Variants in CARS2 observed in about 807,000 individuals in gnomAD.
The protein encoded by CARS2 is cysteinyl-tRNA synthetase 2, mitochondrial.
CARS2 carries 52 observed loss-of-function variants against 68.8 expected under a neutral mutation model. The ratio of observed to expected loss-of-function variants is 0.76; its 90% CI spans 0.61 to 0.95. The LOEUF (loss-of-function observed/expected upper bound fraction) is 0.95, where lower values mean the gene tolerates loss of function less well. CARS2 is among the 40% of genes least tolerant of loss of function. The pLI, the probability that CARS2 is intolerant of heterozygous loss-of-function variation, is 0.00. For missense variants in CARS2, 780 were observed against 754.2 expected, an observed-to-expected ratio of 1.03 and a Z score of -0.40; for synonymous variants, 314 against 303.6, an observed-to-expected ratio of 1.03 and a Z score of -0.36.
Position 110,654,264 on chromosome 13 carries a change from G to A in CARS2, c.988-3164C>T, listed in dbSNP as rs561348677. Among the ~76,000 whole-genome samples, 4 of 152,318 alleles carry A rather than the reference G, an allele frequency of 2.6e-5. No homozygotes were observed. The South Asian group carries it at 8.3e-4, about 32-fold the overall frequency. On this transcript the variant is annotated intron_variant, in intron 9 of 14. Coordinates refer to ENST00000257347, the MANE Select transcript of CARS2 (RefSeq NM_024537.4). ...CTTGCTTTGAGACGTACAGTAACTAGAAAGCAGGTTTTAAACCATTATCTG... is the reference window on the plus strand; with the variant it reads ...CTTGCTTTGAGACGTACAGTAACTAAAAAGCAGGTTTTAAACCATTATCTG...
upstream of CARS2, chr13:110,706,411 G>GCGTC (rs2063961395): frequency 1.0e-5 from 2 of 190,500 alleles, no homozygotes; most frequent in Middle Eastern, 1.9e-3. Context: ...GTCCTGCGAG[G>GCGTC]CGTCCGTGTG....
chr13:110,675,800 G>A (rs1028380202), intron 7 of CARS2, among the ~76,000 whole-genome samples: 11 of 152,156 alleles, frequency 7.2e-5, no homozygotes, highest in African/African-American at 2.4e-4. Flanking sequence ...CAGTCTAAAC[G>A]CGCGGCTGGG....
At chr13:110,703,365 G>A (rs1376688356) in intron 2 of CARS2, among the ~76,000 whole-genome samples, 2 of 152,156 alleles carry the variant, frequency 1.3e-5, no homozygotes, top group Non-Finnish European at 2.9e-5. Context: ...GGGAGGTGGG[G>A]CAGGCCAGCC....
chr13:110,661,110 C>T (rs959443966), intron 9 of CARS2, among the ~76,000 whole-genome samples: 3 of 152,148 alleles, frequency 2.0e-5, no homozygotes, highest in Non-Finnish European at 2.9e-5. Flanking sequence ...TGTCAATGAG[C>T]GCTGGTTTCA....
In CARS2 at chr13:110,647,671, G is replaced by A. The variant is rs1888329445; in HGVS notation, c.1055-432C>T. On this transcript the variant is annotated intron_variant, in intron 10 of 14. Coordinates refer to ENST00000257347, the MANE Select transcript of CARS2 (RefSeq NM_024537.4). ...AAGGCCCTCCCGAGGGAAAGTGCCTGTGTGTGATGGGACAGCCCAAAGAGG... is the reference window on the plus strand; with the variant it reads ...AAGGCCCTCCCGAGGGAAAGTGCCTATGTGTGATGGGACAGCCCAAAGAGG... 3.5e-5 allele frequency among the ~76,000 whole-genome samples: 3 copies of A among 84,608 alleles called. No homozygotes were observed. The South Asian group carries it at 1.1e-3, about 30-fold the overall frequency. The allele number at this position is 84,608 out of a possible 152,430, so 55.5% of individuals were successfully genotyped here.
chr13:110,699,428 T>C (rs2063719386), intron 3 of CARS2, among the ~76,000 whole-genome samples: 1 of 152,230 alleles, frequency 6.6e-6, no homozygotes, highest in African/African-American at 2.4e-5. Context: ...TCATGTATGT[T>C]AGAACATTTC....
chr13:110,645,776 A>G (rs1888024890), intron 12 of CARS2, 191 bp downstream of exon 12: 2 of 654,714 alleles, frequency 3.1e-6, no homozygotes, highest in Admixed American at 6.9e-5. Context: ...GAGGCCCGGG[A>G]GGGTCAAGCC....
chr13:110,671,618 T>C (rs1479830675), intron 7 of CARS2, among the ~76,000 whole-genome samples: 1 of 152,196 alleles, frequency 6.6e-6, no homozygotes, highest in Non-Finnish European at 1.5e-5. Flanking sequence ...ACATGCCGAA[T>C]TGTAAAGACC....
chr13:110,696,870 G>A (rs1380313103), intron 3 of CARS2, among the ~76,000 whole-genome samples: 1 of 152,208 alleles, frequency 6.6e-6, no homozygotes, highest in African/African-American at 2.4e-5. Context: ...CCCTGGATTC[G>A]GGGCTCTTGT....
At chr13:110,660,822 C>T (rs1469203359) in intron 9 of CARS2, among the ~76,000 whole-genome samples, 1 of 143,508 alleles carries the variant, frequency 7.0e-6, no homozygotes, top group Non-Finnish European at 1.5e-5. Context: ...AGTGCAGTGG[C>T]ACAATCTCAG....
rs1261051474 is a variant in CARS2 at position 110,668,413 on chromosome 13, G to A, written c.786-940C>T. On this transcript the variant is annotated intron_variant, in intron 7 of 14. Transcript: ENST00000257347. This position sits in a 1 kb window ranked among gnomAD's most constrained non-coding sequence, Gnocchi z 4.1. The stretch of plus-strand genomic sequence containing the variant: ...AAAAATCAGCCGGGCGTGGTGGCGG[G>A]TGCCTGTAGTCCCAGCTGCTTGGGA... 1.3e-5 allele frequency among the ~76,000 whole-genome samples: 2 copies of A among 152,106 alleles called. No individual in the cohort carries two copies. The highest frequency in any genetic ancestry group is 6.5e-5 in the Admixed American group (1 of 15,282).
In CARS2 at chr13:110,667,404, G is replaced by A. The variant is rs201463850; in HGVS notation, c.855C>T (p.Asn285=). Residue 285 remains asparagine, a synonymous_variant, in exon 8 of 15, where the codon AAC becomes AAT. Transcript: ENST00000257347. Reference sequence around the variant, plus strand: ...GAAAGACTTCGCACTGTGCAATTTCGTTTTCATGATGTGGAAAAGCTAAAT... The same window carrying A: ...GAAAGACTTCGCACTGTGCAATTTCATTTTCATGATGTGGAAAAGCTAAAT... The part of the protein sequence containing the change: ...GIDLAFPHHE[N]EIAQCEVFHQ... The A allele has an allele frequency of 1.4e-5, 23 of 1,613,614 alleles. No homozygotes were observed. The East Asian group carries it at 2.7e-4, about 19-fold the overall frequency.
intron 9 of CARS2, among the ~76,000 whole-genome samples, 191 bp downstream of exon 9, chr13:110,663,260 C>T (rs985221353): frequency 1.3e-5 from 2 of 151,826 alleles, no homozygotes; most frequent in African/African-American, 2.4e-5. Context: ...CTGCGGGAGG[C>T]GCACAGCTGA....
At chr13:110,658,423 GA>G (rs1420656578) in intron 9 of CARS2, among the ~76,000 whole-genome samples, 1 of 152,074 alleles carries the variant, frequency 6.6e-6, no homozygotes, top group East Asian at 1.9e-4. Flanking sequence ...TTTACAAGAT[GA>G]AAAAATTCTA....
intron 9 of CARS2, chr13:110,662,874 A>G: frequency 2.6e-6 from 1 of 377,430 alleles, no homozygotes; most frequent in South Asian, 2.0e-5. Flanking sequence ...TTTGCAATTA[A>G]ATTAAATCTG....
chr13:110,675,550 G>C (rs995224045), intron 7 of CARS2, among the ~76,000 whole-genome samples: 16 of 152,096 alleles, frequency 1.1e-4, no homozygotes, highest in African/African-American at 3.9e-4. Flanking sequence ...ACACACCAGG[G>C]CCTGTCATGG....
upstream of CARS2, among the ~76,000 whole-genome samples, chr13:110,708,187 A>G (rs4773239): frequency 6.6e-6 from 1 of 151,904 alleles, no homozygotes; most frequent in African/African-American, 2.4e-5. Flanking sequence ...GAAAAAAAAA[A>G]TTTAGAAGAA....
chr13:110,680,164 G>T (rs1241751441), intron 6 of CARS2, among the ~76,000 whole-genome samples: 3 of 56,952 alleles, frequency 5.3e-5, no homozygotes, highest in East Asian at 4.8e-4. Context: ...GGGGGGGGGG[G>T]GTGGATCACC....
chr13:110,644,629 T>TCCTGCAGTGA, intron 12 of CARS2, 146 bp from the exon 13 acceptor site: 1 of 1,386,944 alleles, frequency 7.2e-7, no homozygotes, highest in Non-Finnish European at 9.5e-7. Context: ...GACACAGCTC[T>TCCTGCAGTGA]GGCATCGGCT....
Sources: allele counts gnomAD v4.1 joint callset (sites outside exome capture counted in the v4.1 genomes callset), GRCh38; gene constraint gnomAD v4.1.1; non-coding constraint Gnocchi (gnomAD v3.1); transcripts MANE v1.5; gene names NCBI Gene and HGNC (gene_info 2026-07-23, HGNC 2026-07-21).